The following SPATA6 variants were observed in gnomAD, a reference collection of about 807,000 sequenced individuals.
SPATA6 encodes the protein spermatogenesis-associated protein 6.
A neutral mutation model predicts 65.3 loss-of-function variants in SPATA6; 56 were observed. That is an observed-to-expected ratio of 0.86 (90% CI 0.69 to 1.07). The LOEUF (loss-of-function observed/expected upper bound fraction) is 1.07. SPATA6 is among the 50% of genes least tolerant of loss of function. The pLI is 0.00. For missense variants in SPATA6, 590 were observed against 594.8 expected (o/e 0.99, Z 0.08); for synonymous variants, 199 against 213.2 (o/e 0.93, Z 0.58).
chr1:48,286,777 T>G, the SPATA6 span, among the ~76,000 whole-genome samples: 1 of 152,246 alleles, frequency 6.6e-6, no homozygotes, highest in East Asian at 1.9e-4. Context: ...GGCTCACATC[T>G]GTAATCCCAG....
At chr1:48,457,431 C>CAAAAAAGA (rs370242670) in intron 1 of SPATA6, among the ~76,000 whole-genome samples, 3 of 150,752 alleles carry the variant, frequency 2.0e-5, no homozygotes, top group Non-Finnish European at 4.4e-5. Context: ...GACTCCATCT[C>CAAAAAAGA]AAAAAAGAAA....
chr1:48,447,979 A>G (rs1656215808), intron 3 of SPATA6: 1 of 152,188 alleles, frequency 6.6e-6, no homozygotes, highest in Non-Finnish European at 1.5e-5. Flanking sequence ...GATTTATCCA[A>G]GGCATGATTA....
At chr1:48,462,167 G>C (rs1244289742) in intron 1 of SPATA6, among the ~76,000 whole-genome samples, 1 of 151,924 alleles carries the variant, frequency 6.6e-6, no homozygotes, top group Non-Finnish European at 1.5e-5. Flanking sequence ...ACACAGGAAG[G>C]GGAACATCAC....
chr1:48,360,662 A>G (rs140103756), intron 9 of SPATA6, among the ~76,000 whole-genome samples: 157 of 152,304 alleles, frequency 1.0e-3, no homozygotes, highest in African/African-American at 3.7e-3. Flanking sequence ...TGAGAGAAAA[A>G]TATGTCCTGA....
chr1:48,389,983 T>C (rs1477499329), intron 8 of SPATA6, among the ~76,000 whole-genome samples: 1 of 150,878 alleles, frequency 6.6e-6, no homozygotes, highest in African/African-American at 2.4e-5. Flanking sequence ...CACCAGAAAA[T>C]AACAATATGG....
At chr1:48,435,363 T>C (rs1408193957) in intron 3 of SPATA6, among the ~76,000 whole-genome samples, 1 of 151,752 alleles carries the variant, frequency 6.6e-6, no homozygotes, top group Non-Finnish European at 1.5e-5. Context: ...CAGCACTCTG[T>C]AAAGACACAC....
intron 11 of SPATA6, among the ~76,000 whole-genome samples, chr1:48,312,839 G>A (rs1243873724): frequency 6.6e-6 from 1 of 152,160 alleles, no homozygotes; most frequent in African/African-American, 2.4e-5. Context: ...AACCAATGCA[G>A]AGAAGTCCTT....
At chr1:48,282,560 T>C in the SPATA6 span, among the ~76,000 whole-genome samples, 1 of 152,194 alleles carries the variant, frequency 6.6e-6, no homozygotes, top group East Asian at 1.9e-4. Flanking sequence ...AAGACATTTA[T>C]GCAGCCACAA....
intron 10 of SPATA6, among the ~76,000 whole-genome samples, chr1:48,358,491 A>G (rs1465038321): frequency 6.6e-6 from 1 of 152,096 alleles, no homozygotes; most frequent in Non-Finnish European, 1.5e-5. Context: ...ATGACAAAGG[A>G]CCTAATCAAC....
At chr1:48,303,642 T>C (rs1644992491) in intron 12 of SPATA6, among the ~76,000 whole-genome samples, 1 of 152,220 alleles carries the variant, frequency 6.6e-6, no homozygotes. Flanking sequence ...GTGTATATTT[T>C]CCACATCTGC....
At chr1:48,277,941 C>A in the SPATA6 span, among the ~76,000 whole-genome samples, 1 of 152,170 alleles carries the variant, frequency 6.6e-6, no homozygotes, top group Non-Finnish European at 1.5e-5. Context: ...TCAGTAGGGG[C>A]GGACTGACAC....
At chr1:48,441,558 GA>G (rs1655481830) in intron 3 of SPATA6, among the ~76,000 whole-genome samples, 1 of 152,086 alleles carries the variant, frequency 6.6e-6, no homozygotes, top group Admixed American at 6.6e-5. Flanking sequence ...CTTGAGGAGG[GA>G]ATCAACCCTG....
chr1:48,313,340 G>T (rs1459211634), intron 11 of SPATA6, among the ~76,000 whole-genome samples: 3 of 152,206 alleles, frequency 2.0e-5, no homozygotes, highest in Admixed American at 2.0e-4. Flanking sequence ...ACTAACAGCT[G>T]ATCTCTTGGC....
chr1:48,275,219 T>C, the SPATA6 span, among the ~76,000 whole-genome samples: 2 of 152,238 alleles, frequency 1.3e-5, no homozygotes, highest in African/African-American at 4.8e-5. Context: ...AAGTTGCTTA[T>C]CAGCTTAAGG....
the SPATA6 span, among the ~76,000 whole-genome samples, chr1:48,276,857 G>A: frequency 3.9e-5 from 6 of 151,920 alleles, no homozygotes; most frequent in Non-Finnish European, 5.9e-5. Flanking sequence ...CACTTGGTCC[G>A]GAGCTGAATT....
At chr1:48,386,009 T>G (rs1490205024) in intron 8 of SPATA6, among the ~76,000 whole-genome samples, 1 of 152,164 alleles carries the variant, frequency 6.6e-6, no homozygotes, top group Non-Finnish European at 1.5e-5. Flanking sequence ...AACAACAACA[T>G]CATTACTATC....
the SPATA6 span, among the ~76,000 whole-genome samples, chr1:48,288,727 C>G: frequency 6.6e-6 from 1 of 152,212 alleles, no homozygotes; most frequent in African/African-American, 2.4e-5. Flanking sequence ...GGGTCCCACA[C>G]CCACGGACCC....
rs902075115 is a variant in SPATA6, at chr1:48,365,117, G to A, written c.910-5347C>T. Among the ~76,000 whole-genome samples the A allele has an allele frequency of 2.8e-4, 43 of 152,142 alleles. No homozygotes were observed. In the Middle Eastern group the frequency reaches 0.02, roughly 72 times the overall value. ...AAAGATCAGATAGTTGTAGATATGCGTCATTATTTCTGAGGGCTCTGTTCT... is the reference window on the plus strand; with the variant it reads ...AAAGATCAGATAGTTGTAGATATGCATCATTATTTCTGAGGGCTCTGTTCT... On this transcript the variant is annotated intron_variant, in intron 9 of 12. Transcript: ENST00000371847.
chr1:48,470,011 G>A (rs547235391), intron 1 of SPATA6, among the ~76,000 whole-genome samples: 1 of 152,174 alleles, frequency 6.6e-6, no homozygotes, highest in East Asian at 1.9e-4. Context: ...TTCCATCTAA[G>A]ATGTCTCGGA....
Sources: allele counts gnomAD v4.1 joint callset (sites outside exome capture counted in the v4.1 genomes callset), GRCh38; gene constraint gnomAD v4.1.1; transcripts MANE v1.5; gene names NCBI Gene and HGNC (gene_info 2026-07-23, HGNC 2026-07-21).